The following DYM variants were observed in gnomAD, a reference collection of about 807,000 sequenced individuals.
DYM encodes dyggve-Melchior-Clausen syndrome protein.
DYM carries 78 observed loss-of-function variants against 93.1 expected under a neutral mutation model. The ratio of observed to expected loss-of-function variants is 0.84; its 90% CI spans 0.70 to 1.01. DYM has a LOEUF of 1.01. DYM is among the 50% of genes least tolerant of loss of function. The probability of loss-of-function intolerance (pLI) is 0.00; values close to 1 mark genes in which losing one functional copy is unlikely to be tolerated. For missense variants in DYM, 789 were observed against 845.0 expected, an observed-to-expected ratio of 0.93 and a Z score of 0.82; for synonymous variants, 321 against 319.7, an observed-to-expected ratio of 1.00 and a Z score of -0.04.
intron 14 of DYM, among the ~76,000 whole-genome samples, chr18:49,203,428 A>G (rs1178885595): frequency 6.8e-6 from 1 of 146,536 alleles, no homozygotes; most frequent in Non-Finnish European, 1.5e-5. Context: ...AAAGGTGGGG[A>G]AAAGATTGAG....
At chr18:49,352,119 A>G (rs748688444) in intron 6 of DYM, among the ~76,000 whole-genome samples, 27 of 152,368 alleles carry the variant, frequency 1.8e-4, no homozygotes, top group Middle Eastern at 3.4e-3. Flanking sequence ...TGCAAACACA[A>G]AAGACCATAT....
chr18:49,078,239 T>TA (rs893118036), intron 17 of DYM, among the ~76,000 whole-genome samples: 3 of 152,166 alleles, frequency 2.0e-5, no homozygotes, highest in African/African-American at 7.2e-5. Context: ...TAAAATAACT[T>TA]AGAGAATAAC....
intron 17 of DYM, among the ~76,000 whole-genome samples, chr18:49,047,838 G>C (rs1004658487): frequency 1.3e-5 from 2 of 151,990 alleles, no homozygotes; most frequent in African/African-American, 4.8e-5. Flanking sequence ...TAGCAAGAGG[G>C]GGGCAACAAG....
intron 5 of DYM, among the ~76,000 whole-genome samples, chr18:49,364,586 C>T (rs2066336314): frequency 6.6e-6 from 1 of 152,184 alleles, no homozygotes; most frequent in South Asian, 2.1e-4. Flanking sequence ...TAAACTCCAT[C>T]CTTTCACTCT....
At chr18:49,386,482 T>C (rs2068635619) in intron 3 of DYM, among the ~76,000 whole-genome samples, 1 of 152,184 alleles carries the variant, frequency 6.6e-6, no homozygotes, top group South Asian at 2.1e-4. Context: ...TCCATGGTCT[T>C]CCTTCCACAA....
chr18:49,090,988 A>G (rs2078998808), intron 17 of DYM, among the ~76,000 whole-genome samples: 1 of 152,246 alleles, frequency 6.6e-6, no homozygotes, highest in African/African-American at 2.4e-5. Context: ...CTATTCCAAC[A>G]AAGTGACCAA....
chr18:49,210,863 G>A (rs1568019578), intron 13 of DYM, among the ~76,000 whole-genome samples: 1 of 152,146 alleles, frequency 6.6e-6, no homozygotes, highest in Non-Finnish European at 1.5e-5. Flanking sequence ...CTATTTAGGG[G>A]AGAAAAGGCA....
intron 6 of DYM, among the ~76,000 whole-genome samples, chr18:49,350,659 T>G (rs1368126722): frequency 6.9e-6 from 1 of 144,474 alleles, no homozygotes; most frequent in African/African-American, 2.6e-5. Flanking sequence ...TGAGCCAAGA[T>G]CTCACCATTG....
chr18:49,188,973 A>G (rs2090712748), intron 14 of DYM, among the ~76,000 whole-genome samples: 2 of 152,270 alleles, frequency 1.3e-5, no homozygotes, highest in South Asian at 4.1e-4. Context: ...TGTGGTACAC[A>G]TACACCATGA....
intron 8 of DYM, among the ~76,000 whole-genome samples, chr18:49,315,445 T>C (rs1301589413): frequency 6.6e-6 from 1 of 152,198 alleles, no homozygotes; most frequent in Non-Finnish European, 1.5e-5. Context: ...TTATGTACTA[T>C]GAAGATGTAT....
At chr18:49,106,984 A>G (rs1187798972) in intron 16 of DYM, among the ~76,000 whole-genome samples, 1 of 152,186 alleles carries the variant, frequency 6.6e-6, no homozygotes, top group Non-Finnish European at 1.5e-5. Context: ...TCTCCTGGAT[A>G]ATATCCTGCA....
At chr18:49,174,426 G>A (rs1356755826) in intron 14 of DYM, among the ~76,000 whole-genome samples, 1 of 152,138 alleles carries the variant, frequency 6.6e-6, no homozygotes, top group African/African-American at 2.4e-5. Flanking sequence ...ATAAATGGAA[G>A]AGCTAGAATT....
In DYM at chr18:49,286,624, G is replaced by A; in HGVS notation, c.764-8C>T. The A allele has an allele frequency of 6.2e-7, 1 of 1,613,394 alleles. No individual in the cohort carries two copies. Among genetic ancestry groups the A allele is most frequent in the African/African-American group, 1.3e-5 (1 of 75,016 alleles). On this transcript the variant is annotated splice_polypyrimidine_tract_variant and splice_region_variant and intron_variant, in intron 8 of 17. Coordinates refer to ENST00000675505, the MANE Select transcript of DYM (RefSeq NM_001353214.3). ...AGACAGTCCAGAGTCCTGCTGGGGAGGAAAACACCCTGTTAGGATGTGCTG... is the reference window on the plus strand; with the variant it reads ...AGACAGTCCAGAGTCCTGCTGGGGAAGAAAACACCCTGTTAGGATGTGCTG...
At chr18:49,322,256 T>C (rs964687070) in intron 8 of DYM, among the ~76,000 whole-genome samples, 5 of 152,072 alleles carry the variant, frequency 3.3e-5, no homozygotes, top group African/African-American at 7.2e-5. Context: ...AAAAACCATA[T>C]ATCAGAAGTT....
At chr18:49,369,876 T>C (rs991577991) in intron 5 of DYM, among the ~76,000 whole-genome samples, 9 of 152,220 alleles carry the variant, frequency 5.9e-5, no homozygotes, top group African/African-American at 2.2e-4. Context: ...TACAGTGTCT[T>C]GGGCCTAGCA....
chr18:49,144,970 C>G (rs966169248), intron 15 of DYM, among the ~76,000 whole-genome samples: 1 of 150,626 alleles, frequency 6.6e-6, no homozygotes, highest in Non-Finnish European at 1.5e-5. Flanking sequence ...CGTGGTGATG[C>G]GTGCCTATAG....
intron 15 of DYM, among the ~76,000 whole-genome samples, chr18:49,157,622 T>C (rs1267729148): frequency 1.3e-5 from 2 of 152,128 alleles, no homozygotes; most frequent in Non-Finnish European, 2.9e-5. Flanking sequence ...AAAATTCCAT[T>C]ATCTTTTTAT....
chr18:49,391,029 G>A (rs762920867), intron 3 of DYM, among the ~76,000 whole-genome samples: 82 of 152,126 alleles, frequency 5.4e-4, no homozygotes, highest in South Asian at 6.2e-4. Context: ...GACATAAATG[G>A]TTTGCAATGA....
At chr18:49,313,462 C>CAAAAAAAAAAAAAAAAAAAAAAAAAAA (rs60775305) in intron 8 of DYM, among the ~76,000 whole-genome samples, 1 of 28,564 alleles carries the variant, frequency 3.5e-5, no homozygotes, top group African/African-American at 1.4e-4. Flanking sequence ...GACTCTGTCA[C>CAAAAAAAAAAAAAAAAAAAAAAAAAAA]AAAAAAAAAA....
Sources: gnomAD v4.1 joint callset for allele counts (sites outside exome capture counted in the v4.1 genomes callset) on GRCh38, gnomAD v4.1.1 for gene constraint, MANE v1.5 for transcripts, NCBI Gene and HGNC (gene_info 2026-07-23, HGNC 2026-07-21) for gene names.